Variants in CTNS observed in about 807,000 individuals in gnomAD.
CTNS encodes cystinosin, lysosomal cystine transporter, also known as cystinosin.
In CTNS, 27 loss-of-function variants were observed where a neutral mutation model predicts 43.7. The observed-to-expected ratio is 0.62, with a 90% CI of 0.46 to 0.85. The LOEUF is 0.85. CTNS is among the 40% of genes least tolerant of loss of function. The pLI is 0.00. For missense variants in CTNS, 457 were observed against 475.4 expected (o/e 0.96, Z 0.36); for synonymous variants, 187 against 190.6 (o/e 0.98, Z 0.16).
chr17:3,652,984 G>C (rs2150914595), intron 5 of CTNS, among the ~76,000 whole-genome samples: 1 of 152,326 alleles, frequency 6.6e-6, no homozygotes, highest in Non-Finnish European at 1.5e-5. Context: ...AGCCACTGAA[G>C]GATGTGGTAG....
chr17:3,660,650 T>C lies in CTNS; in HGVS notation c.*281T>C, dbSNP rs1448976515. 6.2e-7 allele frequency: 1 copy of C among 1,613,576 alleles called. No homozygotes were observed. The highest frequency in any genetic ancestry group is 8.5e-7 in the Non-Finnish European group (1 of 1,180,032). Reference sequence around the variant, plus strand: ...CAGCGCGCACAGGCTCTGGCAGCCGTCTCAGGCAGGACTGGGCACCAAGCT... The same window carrying C: ...CAGCGCGCACAGGCTCTGGCAGCCGCCTCAGGCAGGACTGGGCACCAAGCT... On this transcript the variant is annotated 3_prime_UTR_variant, in exon 12 of 12. Transcript: ENST00000046640.
chr17:3,640,609 C>G (rs999480500), intron 3 of CTNS, among the ~76,000 whole-genome samples: 4 of 152,262 alleles, frequency 2.6e-5, no homozygotes, highest in Non-Finnish European at 5.9e-5. Flanking sequence ...ATCTTAAAGA[C>G]TGGCTCAGGC....
intron 6 of CTNS, 32 bp downstream of exon 6, chr17:3,655,133 G>A (rs766921352): frequency 1.9e-5 from 30 of 1,613,766 alleles, no homozygotes; most frequent in South Asian, 9.9e-5. Flanking sequence ...CGGGCCTCAC[G>A]TGACAAGAAG....
At chr17:3,657,452 G>A (rs553953069) in intron 9 of CTNS, among the ~76,000 whole-genome samples, 199 of 152,310 alleles carry the variant, frequency 1.3e-3, no homozygotes, top group African/African-American at 4.6e-3. Context: ...ACACTGTAAG[G>A]CCAGCTGGGG....
intron 4 of CTNS, 48 bp from the exon 5 acceptor site, chr17:3,648,799 T>G (rs778586690): frequency 6.8e-7 from 1 of 1,460,942 alleles, no homozygotes; most frequent in Admixed American, 1.7e-5. Flanking sequence ...TTGGTTGAGA[T>G]CTCACTGTCC....
chr17:3,659,843 GTCTGTCTGGCCC>G lies in CTNS; in HGVS notation c.853-14_853-3del. On this transcript the variant is annotated splice_polypyrimidine_tract_variant and splice_region_variant and intron_variant, in intron 10 of 11. Transcript: ENST00000046640. Reference sequence around the variant, plus strand: ...CTCACCGCCCTCCGTCTGTCTGTCCGTCTGTCTGGCCCAGGCCTACATGAACTTTTACTACAA... The same window carrying G: ...CTCACCGCCCTCCGTCTGTCTGTCCGAGGCCTACATGAACTTTTACTACAA... 6.2e-7 allele frequency: 1 copy of G among 1,601,380 alleles called. No homozygotes were observed. The highest frequency in any genetic ancestry group is 8.6e-7 in the Non-Finnish European group (1 of 1,168,582).
At chr17:3,644,439 T>C (rs1336446338) in intron 3 of CTNS, among the ~76,000 whole-genome samples, 3 of 152,154 alleles carry the variant, frequency 2.0e-5, no homozygotes, top group Non-Finnish European at 4.4e-5. Context: ...TCTTGGAGTG[T>C]TCACAAACTC....
intron 3 of CTNS, among the ~76,000 whole-genome samples, chr17:3,640,709 G>A (rs2075664013): frequency 1.3e-5 from 2 of 152,204 alleles, no homozygotes; most frequent in Non-Finnish European, 1.5e-5. Flanking sequence ...ACCAACCTGG[G>A]CAACGTAGTG....
At chr17:3,645,666 C>G (rs1429634113) in intron 3 of CTNS, among the ~76,000 whole-genome samples, 5 of 151,958 alleles carry the variant, frequency 3.3e-5, no homozygotes, top group African/African-American at 1.2e-4. Flanking sequence ...TCAAGACCAG[C>G]CTGGCCAACA....
intron 2 of CTNS, among the ~76,000 whole-genome samples, chr17:3,637,999 C>T (rs1446174048): frequency 6.6e-6 from 1 of 152,172 alleles, no homozygotes; most frequent in Non-Finnish European, 1.5e-5. Context: ...CCAACTCATA[C>T]CTGGCAGACA....
intron 3 of CTNS, among the ~76,000 whole-genome samples, chr17:3,646,905 G>A (rs1354477791): frequency 6.6e-6 from 1 of 152,212 alleles, no homozygotes; most frequent in Non-Finnish European, 1.5e-5. Flanking sequence ...TCAGCCCCAG[G>A]AAGGGGACCA....
chr17:3,657,051 A>T, intron 9 of CTNS: 1 of 522,606 alleles, frequency 1.9e-6, no homozygotes. Context: ...CAGCTCATGG[A>T]GGAGTGCAAG....
intron 3 of CTNS, among the ~76,000 whole-genome samples, chr17:3,643,486 T>A (rs1213413826): frequency 6.6e-6 from 1 of 152,076 alleles, no homozygotes; most frequent in East Asian, 1.9e-4. Context: ...CCCAACACTT[T>A]GGGAGGCCAA....
rs754201055 is a variant in CTNS, at chr17:3,658,006, G to A, written c.683G>A (p.Arg228His). 1.2e-5 allele frequency: 20 copies of A among 1,608,794 alleles called. No homozygotes were observed. The highest frequency in any genetic ancestry group is 2.2e-4 in the Middle Eastern group (1 of 4,474). ...IIIVQCCLYE[R>H]GGQRVSWPAI... Reference sequence around the variant, plus strand: ...TCTCTGCCCTCCTCTCGCCCCCAGCGCGGTGGCCAGCGCGTGTCCTGGCCT... The same window carrying A: ...TCTCTGCCCTCCTCTCGCCCCCAGCACGGTGGCCAGCGCGTGTCCTGGCCT... Residue 228 changes from arginine (R) to histidine (H), a missense_variant and splice_region_variant, in exon 10 of 12, where the codon CGC becomes CAC. Transcript: ENST00000046640.
At chr17:3,660,202 C>CT in intron 11 of CTNS, 34 bp from the exon 12 acceptor site, 2 of 1,613,788 alleles carry the variant, frequency 1.2e-6, no homozygotes, top group Non-Finnish European at 1.7e-6. Context: ...AGCTGCCAAC[C>CT]TAACACCAGC....
At chr17:3,643,143 T>C (rs926965439) in intron 3 of CTNS, among the ~76,000 whole-genome samples, 9 of 151,832 alleles carry the variant, frequency 5.9e-5, no homozygotes, top group African/African-American at 2.2e-4. Context: ...TGAAATCCCG[T>C]CTCTACCAAA....
At chr17:3,641,378 A>AT (rs2075695479) in intron 3 of CTNS, among the ~76,000 whole-genome samples, 6 of 39,006 alleles carry the variant, frequency 1.5e-4, no homozygotes, top group South Asian at 1.0e-3. Flanking sequence ...ATATATATAT[A>AT]TATATATTTT....
rs2075706262 is a variant in CTNS at position 3,641,464 on chromosome 17, C to T, written c.61+1197C>T. ...TGGTGTGCAGTGGCACGATCTCAGCCCACTGCAACCTCCACCTCCCGGGTT... is the reference window on the plus strand; with the variant it reads ...TGGTGTGCAGTGGCACGATCTCAGCTCACTGCAACCTCCACCTCCCGGGTT... On this transcript the variant is annotated intron_variant, in intron 3 of 11. Transcript: ENST00000046640. Among the ~76,000 whole-genome samples the T allele has an allele frequency of 2.9e-5, 4 of 136,706 alleles. No individual in the cohort carries two copies. In the South Asian group the frequency reaches 9.5e-4, roughly 33 times the overall value. The allele number at this position is 136,706 out of a possible 152,430, so 89.7% of individuals were successfully genotyped here. A position where few individuals can be genotyped will look rare whatever the true frequency, so the allele number is the denominator to read the frequency against.
rs1420775348 is a variant in CTNS at position 3,662,298 on chromosome 17, C to T, written c.*1929C>T. On this transcript the variant is annotated 3_prime_UTR_variant, in exon 12 of 12. Coordinates refer to ENST00000046640, the MANE Select transcript of CTNS (RefSeq NM_004937.3). The stretch of plus-strand genomic sequence containing the variant: ...TGCACTCCAGCCTGGGCAACAAGAA[C>T]GAAACTCCATCTCAAAAAAAAAAAA... Among the ~76,000 whole-genome samples the T allele has an allele frequency of 1.5e-5, 2 of 134,592 alleles. No homozygotes were observed. Among genetic ancestry groups the T allele is most frequent in the Admixed American group, 7.7e-5 (1 of 12,990 alleles). The allele number at this position is 134,592 out of a possible 152,430, so 88.3% of individuals were successfully genotyped here. A position where few individuals can be genotyped will look rare whatever the true frequency, so the allele number is the denominator to read the frequency against.
Sources: gnomAD v4.1 joint callset for allele counts (sites outside exome capture counted in the v4.1 genomes callset) on GRCh38, gnomAD v4.1.1 for gene constraint, MANE v1.5 for transcripts, NCBI Gene and HGNC (gene_info 2026-07-23, HGNC 2026-07-21) for gene names.